The following SLC24A4 variants were observed in gnomAD, a reference collection of about 807,000 sequenced individuals.
SLC24A4 encodes the protein sodium/potassium/calcium exchanger 4.
Under a neutral mutation model 79.0 loss-of-function variants are expected in SLC24A4, and 53 were observed. That is an observed-to-expected ratio of 0.67 (90% confidence interval 0.54 to 0.84). The LOEUF is 0.84. Ranked by LOEUF, SLC24A4 falls within the 40% of genes least tolerant of loss-of-function variation. SLC24A4 has a pLI of 0.00. For missense variants in SLC24A4, 731 were observed against 822.0 expected (o/e 0.89, Z 1.35); for synonymous variants, 323 against 323.8 (o/e 1.00, Z 0.03).
chr14:92,479,697 G>A (rs765909717), intron 12 of SLC24A4, among the ~76,000 whole-genome samples: 1 of 152,116 alleles, frequency 6.6e-6, no homozygotes, highest in Non-Finnish European at 1.5e-5. Context: ...TCTGCGTTTG[G>A]TATCGAAGTA....
intron 4 of SLC24A4, 69 bp from the exon 5 acceptor site, chr14:92,442,020 G>A: frequency 1.6e-6 from 2 of 1,275,272 alleles, no homozygotes; most frequent in Non-Finnish European, 2.3e-6. Flanking sequence ...CTCCTTGGCT[G>A]TAGAGCGTCC....
At chr14:92,381,698 G>C (rs1888861180) in intron 2 of SLC24A4, among the ~76,000 whole-genome samples, 1 of 151,994 alleles carries the variant, frequency 6.6e-6, no homozygotes, top group African/African-American at 2.4e-5. Context: ...ATTTTGCTTT[G>C]TTTGTATCCT....
chr14:92,361,122 C>A (rs141332953), intron 2 of SLC24A4, among the ~76,000 whole-genome samples: 3 of 152,214 alleles, frequency 2.0e-5, no homozygotes, highest in African/African-American at 4.8e-5. Flanking sequence ...CAACTGTGCC[C>A]ATGGTTGTGG....
chr14:92,366,006 T>A (rs967287298), intron 2 of SLC24A4, among the ~76,000 whole-genome samples: 1 of 152,246 alleles, frequency 6.6e-6, no homozygotes, highest in Non-Finnish European at 1.5e-5. Context: ...CAGGCACGGT[T>A]ACAAATCCTT....
chr14:92,479,972 A>G (rs965201395), intron 12 of SLC24A4, among the ~76,000 whole-genome samples: 3 of 152,104 alleles, frequency 2.0e-5, no homozygotes, highest in Non-Finnish European at 2.9e-5. Context: ...TCTTCGTAGT[A>G]TTCCCTAATA....
intron 2 of SLC24A4, among the ~76,000 whole-genome samples, chr14:92,360,072 C>G (rs1048171312): frequency 7.9e-5 from 12 of 152,198 alleles, no homozygotes; most frequent in Admixed American, 7.2e-4. Context: ...GTGTGCACCA[C>G]CATGCCTGGC....
At chr14:92,467,267 G>A (rs1009979675) in intron 12 of SLC24A4, among the ~76,000 whole-genome samples, 2 of 152,192 alleles carry the variant, frequency 1.3e-5, no homozygotes, top group Admixed American at 1.3e-4. Flanking sequence ...CAATCAATGT[G>A]ATATATACCA....
In SLC24A4 at chr14:92,439,410, G is replaced by T; in HGVS notation, c.393+1G>T. 1 of 1,612,230 alleles carries T rather than the reference G, an allele frequency of 6.2e-7. No homozygotes were observed. The highest frequency in any genetic ancestry group is 8.5e-7 in the Non-Finnish European group (1 of 1,178,402). ...TCCGTCTCTAGAGAAGATCTGTGAGGTATGTGGAAGGGACTTGGGACACCT... is the reference window on the plus strand; with the variant it reads ...TCCGTCTCTAGAGAAGATCTGTGAGTTATGTGGAAGGGACTTGGGACACCT... On this transcript the variant is annotated splice_donor_variant, in intron 4 of 16. Transcript: ENST00000532405. LOFTEE classifies it high-confidence loss of function.
chr14:92,387,489 A>G (rs1206175631), intron 2 of SLC24A4, among the ~76,000 whole-genome samples: 3 of 152,142 alleles, frequency 2.0e-5, no homozygotes, highest in Non-Finnish European at 2.9e-5. Context: ...GAGTATTTTT[A>G]TCACTGATGT....
chr14:92,481,613 C>T (rs1895076639), intron 12 of SLC24A4, among the ~76,000 whole-genome samples: 1 of 152,150 alleles, frequency 6.6e-6, no homozygotes, highest in South Asian at 2.1e-4. Context: ...TGCTGGATTT[C>T]AAAACTACTC....
chr14:92,350,869 G>A (rs941625486), intron 2 of SLC24A4, among the ~76,000 whole-genome samples: 1 of 152,142 alleles, frequency 6.6e-6, no homozygotes, highest in African/African-American at 2.4e-5. Context: ...GGCAGGAGGT[G>A]ATTGGGTCAT....
At position 92,498,246 on chromosome 14, in the gene SLC24A4, T is replaced by C. The variant is rs1158179979; in HGVS notation, c.*4618T>C. ...GAGCCCCTCAAGCATGAAGCCTCCC[T>C]TGGGGCTTCTCAAAGCATGGAGAGG... On this transcript the variant is annotated 3_prime_UTR_variant, in exon 17 of 17. Coordinates refer to ENST00000532405, the MANE Select transcript of SLC24A4 (RefSeq NM_153646.4). 2 of 152,268 alleles carry C rather than the reference T, an allele frequency of 1.3e-5. No homozygotes were observed. The highest frequency in any genetic ancestry group is 2.9e-5 in the Non-Finnish European group (2 of 68,080). The allele number at this position is 152,268 out of a possible 1,614,324, so 9.4% of individuals were successfully genotyped here.
At chr14:92,471,155 G>A (rs1312748222) in intron 12 of SLC24A4, among the ~76,000 whole-genome samples, 1 of 152,108 alleles carries the variant, frequency 6.6e-6, no homozygotes, top group African/African-American at 2.4e-5. Context: ...CTGAAAGTAG[G>A]GAATCCTGAA....
At chr14:92,395,703 TC>T (rs1330511628) in intron 2 of SLC24A4, among the ~76,000 whole-genome samples, 1 of 152,196 alleles carries the variant, frequency 6.6e-6, no homozygotes, top group Non-Finnish European at 1.5e-5. Flanking sequence ...ACTGCCCAGT[TC>T]CAACCGCACA....
At position 92,449,129 on chromosome 14, in the gene SLC24A4, G is replaced by A. The variant is rs374235488; in HGVS notation, c.793G>A (p.Gly265Ser). The A allele has an allele frequency of 2.4e-5, 39 of 1,614,192 alleles. No homozygotes were observed. The highest frequency in any genetic ancestry group is 2.2e-4 in the South Asian group (20 of 91,084). The stretch of plus-strand genomic sequence containing the variant: ...AGTCAAACAAAAGAGCATTGCAAAC[G>A]GTAACCCGGTCAACAGTGAGCTGGA... ...FTVKQKSIAN[G>S]NPVNSELEAG... Residue 265 changes from glycine (G) to serine (S), a missense_variant, in exon 10 of 17, where the codon GGT becomes AGT. Physicochemically the swap from Gly to Ser is moderately conservative, Grantham distance 56. Coordinates refer to ENST00000532405, the MANE Select transcript of SLC24A4 (RefSeq NM_153646.4).
In SLC24A4 at chr14:92,402,612, A is replaced by G. The variant is rs972842316; in HGVS notation, c.242-31300A>G. Among the ~76,000 whole-genome samples, 8 of 152,330 alleles carry G rather than the reference A, an allele frequency of 5.3e-5. 1 individual carries two copies. The highest frequency in any genetic ancestry group is 9.6e-5 in the African/African-American group (4 of 41,598). ...GCAATTTACAAAGAAAAGAGGTTTA[A>G]TTGGACTTACAGTTCCACATGGCTG... On this transcript the variant is annotated intron_variant, in intron 2 of 16. Coordinates refer to ENST00000532405, the MANE Select transcript of SLC24A4 (RefSeq NM_153646.4).
chr14:92,389,485 C>T (rs558579003), intron 2 of SLC24A4, among the ~76,000 whole-genome samples: 112 of 152,274 alleles, frequency 7.4e-4, no homozygotes, highest in African/African-American at 2.6e-3. Context: ...GTCTGTGCAG[C>T]CTGGGCCAGG....
chr14:92,380,220 A>C (rs916883663), intron 2 of SLC24A4, among the ~76,000 whole-genome samples: 5 of 152,184 alleles, frequency 3.3e-5, no homozygotes, highest in African/African-American at 1.2e-4. Flanking sequence ...TAGAGCACCC[A>C]CGTTCCCTTG....
chr14:92,380,794 G>A (rs1332726539), intron 2 of SLC24A4, among the ~76,000 whole-genome samples: 1 of 152,238 alleles, frequency 6.6e-6, no homozygotes, highest in East Asian at 1.9e-4. Context: ...GGCTCAGGGG[G>A]CAGGGCAGAG....
Sources: gnomAD v4.1 joint callset for allele counts (sites outside exome capture counted in the v4.1 genomes callset) on GRCh38, gnomAD v4.1.1 for gene constraint, MANE v1.5 for transcripts, NCBI Gene and HGNC (gene_info 2026-07-23, HGNC 2026-07-21) for gene names.